Variants in LRBA observed in about 807,000 individuals in gnomAD.
LRBA encodes LPS responsive beige-like anchor protein, also known as lipopolysaccharide-responsive and beige-like anchor protein.
Under a neutral mutation model 330.0 loss-of-function variants are expected in LRBA, and 176 were observed. The observed-to-expected ratio is 0.53, with a 90% CI of 0.47 to 0.60. The LOEUF is 0.60. LRBA is among the 20% of genes least tolerant of loss of function. LRBA has a pLI of 0.00. For missense variants in LRBA, 3,259 were observed against 3,444.8 expected, an observed-to-expected ratio of 0.95 and a Z score of 1.35; for synonymous variants, 1,230 against 1,193.0, an observed-to-expected ratio of 1.03 and a Z score of -0.64.
intron 48 of LRBA, among the ~76,000 whole-genome samples, chr4:150,335,816 C>A (rs939490160): frequency 6.6e-6 from 1 of 152,140 alleles, no homozygotes; most frequent in Non-Finnish European, 1.5e-5. Context: ...CCCACCTCAG[C>A]CTCTGAGTAG....
intron 33 of LRBA, among the ~76,000 whole-genome samples, chr4:150,805,738 A>G (rs1742698348): frequency 6.6e-6 from 1 of 152,020 alleles, no homozygotes; most frequent in Non-Finnish European, 1.5e-5. Flanking sequence ...CCACTCCATA[A>G]ATAGCATGGT....
chr4:150,421,723 C>G (rs556032205), intron 46 of LRBA, among the ~76,000 whole-genome samples: 2 of 152,142 alleles, frequency 1.3e-5, no homozygotes, highest in African/African-American at 4.8e-5. Flanking sequence ...AGTAAACAAG[C>G]AGCTTTTCTC....
intron 44 of LRBA, among the ~76,000 whole-genome samples, chr4:150,463,519 A>AGTTTT (rs1307173238): frequency 6.6e-6 from 1 of 151,966 alleles, no homozygotes; most frequent in Non-Finnish European, 1.5e-5. Flanking sequence ...TGAAAGCAAC[A>AGTTTT]GTTTTGTTTT....
In LRBA at chr4:150,265,746, A is replaced by C; in HGVS notation, c.8535T>G (p.His2845Gln). The C allele has an allele frequency of 6.2e-7, 1 of 1,613,606 alleles. No individual in the cohort carries two copies. The highest frequency in any genetic ancestry group is 8.5e-7 in the Non-Finnish European group (1 of 1,179,530). Reference protein sequence around the residue: ...VLFYNDFNRWHHEYQTRY With the variant: ...VLFYNDFNRWQHEYQTRY The stretch of plus-strand genomic sequence containing the variant: ...ATCAGTAGCGGGTTTGGTATTCATG[A>C]TGCCACCGGTTAAAGTCGTTGTAAA... The change falls in exon 57 of 57, where the codon CAT becomes CAG. Residue 2845 changes from histidine to glutamine, a missense_variant. Coordinates refer to ENST00000651943, the MANE Select transcript of LRBA (RefSeq NM_001364905.1).
chr4:150,787,016 G>A (rs1303628810), intron 34 of LRBA, among the ~76,000 whole-genome samples: 3 of 152,198 alleles, frequency 2.0e-5, no homozygotes, highest in Non-Finnish European at 4.4e-5. Flanking sequence ...CAAATCACCT[G>A]AAGTAGAGAG....
At chr4:150,907,344 A>G (rs1731463664) in intron 11 of LRBA, among the ~76,000 whole-genome samples, 2 of 50,132 alleles carry the variant, frequency 4.0e-5, no homozygotes, top group South Asian at 1.3e-3. Flanking sequence ...AGAGGGGAGG[A>G]AGGGGAAGGG....
intron 34 of LRBA, among the ~76,000 whole-genome samples, chr4:150,781,389 G>T (rs1356767358): frequency 6.6e-6 from 1 of 152,186 alleles, no homozygotes; most frequent in East Asian, 1.9e-4. Flanking sequence ...TTCACAACAG[G>T]GTTCATGCTC....
At chr4:150,896,258 C>A in intron 16 of LRBA, 136 bp downstream of exon 16, 1 of 524,546 alleles carries the variant, frequency 1.9e-6, no homozygotes. Flanking sequence ...ATTGCTAGGG[C>A]TTAGTTCCTA....
intron 50 of LRBA, among the ~76,000 whole-genome samples, chr4:150,318,663 T>A (rs1372639533): frequency 6.6e-6 from 1 of 152,116 alleles, no homozygotes; most frequent in African/African-American, 2.4e-5. Flanking sequence ...AAATTGGAGA[T>A]CACATTCTAG....
intron 34 of LRBA, among the ~76,000 whole-genome samples, chr4:150,797,390 A>C (rs886303819): frequency 5.3e-5 from 8 of 151,970 alleles, no homozygotes; most frequent in African/African-American, 1.9e-4. Context: ...ATTTACTACC[A>C]CCAAGATATC....
At chr4:150,887,543 G>A (rs1289003814) in intron 17 of LRBA, among the ~76,000 whole-genome samples, 1 of 152,036 alleles carries the variant, frequency 6.6e-6, no homozygotes, top group Non-Finnish European at 1.5e-5. Flanking sequence ...GGAGGCCGAG[G>A]CAGGCAGATG....
chr4:150,708,824 GAGTTTCTTA>G, intron 36 of LRBA, among the ~76,000 whole-genome samples: 1 of 151,932 alleles, frequency 6.6e-6, no homozygotes, highest in East Asian at 1.9e-4. Context: ...CTATGAGTGT[GAGTTTCTTA>G]AGTTGGGGTA....
chr4:150,282,541 T>C lies in LRBA; in HGVS notation c.8225A>G (p.His2742Arg). The change falls in exon 55 of 57, where the codon CAT (histidine) becomes CGT (arginine). Residue 2742 changes from histidine (H) to arginine (R), a missense_variant. Physicochemically the swap from His to Arg is conservative, Grantham distance 29. Transcript: ENST00000651943. ...GCCGTTTTCATAGAATATGACACAA[T>C]GACCCTCTCTTGAAGCCTGAATGAG... is the stretch of plus-strand genomic sequence containing the variant. ...PKLIQASREGHCVIFYENGLF... is the reference protein window; with the variant it reads ...PKLIQASREGRCVIFYENGLF... 2 of 1,614,130 alleles carry C rather than the reference T, an allele frequency of 1.2e-6. No homozygotes were observed. Among genetic ancestry groups the C allele is most frequent in the Non-Finnish European group, 1.7e-6 (2 of 1,179,986 alleles).
intron 4 of LRBA, among the ~76,000 whole-genome samples, chr4:150,922,394 G>GTATATATATATATA (rs56340108): frequency 0.011 from 1,517 of 139,584 alleles, 17 homozygotes; most frequent in Non-Finnish European, 0.015. Context: ...AGAAACTGTG[G>GTATATATATATATA]TATATATATA....
intron 47 of LRBA, among the ~76,000 whole-genome samples, chr4:150,411,594 A>C (rs1036268070): frequency 6.6e-6 from 1 of 152,162 alleles, no homozygotes; most frequent in African/African-American, 2.4e-5. Context: ...ATCCCTGTTC[A>C]ACCTGAGGAC....
intron 52 of LRBA, among the ~76,000 whole-genome samples, chr4:150,306,631 T>C (rs905222415): frequency 7.0e-6 from 1 of 142,868 alleles, no homozygotes; most frequent in Non-Finnish European, 1.5e-5. Flanking sequence ...GTACGTTTTA[T>C]ACACACAAAC....
intron 37 of LRBA, among the ~76,000 whole-genome samples, chr4:150,664,016 G>A (rs116227723): frequency 0.018 from 2,813 of 152,258 alleles, 43 homozygotes; most frequent in Non-Finnish European, 0.027. Flanking sequence ...TGTCTGGATC[G>A]CAAGTTGCTT....
chr4:150,269,320 G>C (rs933024456), intron 56 of LRBA, among the ~76,000 whole-genome samples: 8 of 152,218 alleles, frequency 5.3e-5, no homozygotes, highest in Non-Finnish European at 1.0e-4. Flanking sequence ...CAACAGAAGA[G>C]AAAGTTGAGA....
chr4:150,567,695 T>A (rs570764392), intron 40 of LRBA, among the ~76,000 whole-genome samples: 3 of 152,300 alleles, frequency 2.0e-5, no homozygotes, highest in South Asian at 4.1e-4. Context: ...GTGTTATTCT[T>A]ATCATCTCAT....
Sources: gnomAD v4.1 joint callset for allele counts (sites outside exome capture counted in the v4.1 genomes callset) on GRCh38, gnomAD v4.1.1 for gene constraint, MANE v1.5 for transcripts, NCBI Gene and HGNC (gene_info 2026-07-23, HGNC 2026-07-21) for gene names.